The following ATL2 variants were observed in gnomAD, a reference collection of about 807,000 sequenced individuals.
ATL2 encodes the protein atlastin GTPase 2.
Under a neutral mutation model 73.9 loss-of-function variants are expected in ATL2, and 31 were observed. That is an observed-to-expected ratio of 0.42 (90% confidence interval 0.32 to 0.57). The LOEUF (loss-of-function observed/expected upper bound fraction) is 0.57, where lower values mean the gene tolerates loss of function less well. ATL2 is among the 20% of genes least tolerant of loss of function. ATL2 has a pLI of 0.14. For synonymous variants in ATL2, 291 were observed against 237.5 expected, an observed-to-expected ratio of 1.23 and a Z score of -2.07; for missense variants, 738 against 702.6, an observed-to-expected ratio of 1.05 and a Z score of -0.57.
At chr2:38,339,261 C>A (rs1669556424) in intron 2 of ATL2, among the ~76,000 whole-genome samples, 1 of 151,914 alleles carries the variant, frequency 6.6e-6, no homozygotes, top group Non-Finnish European at 1.5e-5. Flanking sequence ...GAGAAACTCA[C>A]AGACCAGAAG....
chr2:38,369,889 C>T (rs1313935133), intron 1 of ATL2, among the ~76,000 whole-genome samples: 1 of 151,752 alleles, frequency 6.6e-6, no homozygotes, highest in Non-Finnish European at 1.5e-5. Flanking sequence ...CGGTGGCTCA[C>T]GCCAGTAATC....
intron 9 of ATL2, among the ~76,000 whole-genome samples, chr2:38,305,332 G>C (rs1667391632): frequency 1.3e-5 from 2 of 152,176 alleles, no homozygotes; most frequent in Admixed American, 1.3e-4. Flanking sequence ...TGGACCACTT[G>C]ACGTCAGGAG....
chr2:38,357,594 G>T (rs1435850857), intron 1 of ATL2, among the ~76,000 whole-genome samples: 1 of 142,070 alleles, frequency 7.0e-6, no homozygotes, highest in South Asian at 2.3e-4. Flanking sequence ...GGAGCTTGCA[G>T]TGAGCCAAGA....
intron 1 of ATL2, among the ~76,000 whole-genome samples, chr2:38,370,448 CAAAAAAAAAAAAAAAAA>C (rs55964015): frequency 0.023 from 1,262 of 55,324 alleles, 48 homozygotes; most frequent in East Asian, 0.21. Flanking sequence ...GACTCTGTCC[CAAAAAAAAAAAAAAAAA>C]AAAAAAAAAA....
intron 2 of ATL2, among the ~76,000 whole-genome samples, chr2:38,329,736 G>A (rs749769479): frequency 2.0e-5 from 3 of 151,966 alleles, no homozygotes; most frequent in Non-Finnish European, 4.4e-5. Flanking sequence ...TGTACAAAAA[G>A]AATTACACAC....
At chr2:38,304,123 C>G (rs1268637143) in intron 9 of ATL2, among the ~76,000 whole-genome samples, 2 of 152,126 alleles carry the variant, frequency 1.3e-5, no homozygotes, top group Non-Finnish European at 2.9e-5. Context: ...ACAACAACAA[C>G]AAGAAGCACG....
intron 1 of ATL2, among the ~76,000 whole-genome samples, chr2:38,351,091 A>G (rs1670308945): frequency 6.6e-6 from 1 of 152,238 alleles, no homozygotes; most frequent in African/African-American, 2.4e-5. Context: ...CATTCCAAAC[A>G]AAAACTTGAA....
chr2:38,366,562 C>T (rs1345602828), intron 1 of ATL2, among the ~76,000 whole-genome samples: 1 of 152,180 alleles, frequency 6.6e-6, no homozygotes, highest in Non-Finnish European at 1.5e-5. Flanking sequence ...ACACTTTGCT[C>T]TCTAAGATCT....
chr2:38,378,400 C>G (rs1436824764), upstream of ATL2, among the ~76,000 whole-genome samples: 1 of 152,202 alleles, frequency 6.6e-6, no homozygotes, highest in Non-Finnish European at 1.5e-5. Flanking sequence ...CCACCACACC[C>G]TGCTAATTTT....
chr2:38,376,105 G>T, intron 1 of ATL2: 1 of 1,498,802 alleles, frequency 6.7e-7, no homozygotes. Flanking sequence ...TCTTATCTTG[G>T]CCGTACTTAC....
At chr2:38,302,012 G>A (rs755897252) in intron 9 of ATL2, among the ~76,000 whole-genome samples, 82 of 152,168 alleles carry the variant, frequency 5.4e-4, no homozygotes, top group Non-Finnish European at 9.6e-4. Context: ...AGTAGAATGC[G>A]GCATAAGGCA....
Position 38,298,353 on chromosome 2 carries a change from G to C in ATL2, c.1423C>G (p.Pro475Ala), listed in dbSNP as rs1282047910. The change falls in exon 12 of 13, where the codon CCA becomes GCA. Residue 475 changes from proline (P) to alanine (A), a missense_variant. Physicochemically the swap from Pro to Ala is conservative, Grantham distance 27 (BLOSUM62 -1). Transcript: ENST00000378954. ...AACATGACCGCAAACAGTGTGGCTG[G>C]GGTACGAGCAGCATAGAAGATATTT... Reference protein sequence around the residue: ...GKNIFYAARTPATLFAVMFAM... With the variant: ...GKNIFYAARTAATLFAVMFAM... 6.2e-7 allele frequency: 1 copy of C among 1,614,138 alleles called. No homozygotes were observed. Among genetic ancestry groups the C allele is most frequent in the South Asian group, 1.1e-5 (1 of 91,076 alleles).
In ATL2 at chr2:38,298,583, G is replaced by T. The variant is rs1235565721; in HGVS notation, c.1201-8C>A. 5.0e-6 allele frequency: 8 copies of T among 1,607,190 alleles called. No individual in the cohort carries two copies. In the African/African-American group the frequency reaches 6.7e-5, roughly 13 times the overall value. Reference sequence around the variant, plus strand: ...CTTGTCCCCTCCACATACCTGGACAGACAGAATTACAGTATTACATGCTAG... The same window carrying T: ...CTTGTCCCCTCCACATACCTGGACATACAGAATTACAGTATTACATGCTAG... On this transcript the variant is annotated splice_region_variant and splice_polypyrimidine_tract_variant and intron_variant, in intron 11 of 12. Coordinates refer to ENST00000378954, the MANE Select transcript of ATL2 (RefSeq NM_001135673.4).
chr2:38,327,164 A>C (rs1322696764), intron 2 of ATL2, among the ~76,000 whole-genome samples: 1 of 152,186 alleles, frequency 6.6e-6, no homozygotes, highest in Non-Finnish European at 1.5e-5. Flanking sequence ...TGTCGCCAAT[A>C]CGTCAGCAAA....
intron 1 of ATL2, among the ~76,000 whole-genome samples, chr2:38,365,514 G>T (rs1162365470): frequency 6.6e-6 from 1 of 152,108 alleles, no homozygotes; most frequent in African/African-American, 2.4e-5. Context: ...AAATTGGCCA[G>T]GAGCAGTGAC....
chr2:38,333,302 A>G (rs1438910779), intron 2 of ATL2, among the ~76,000 whole-genome samples: 1 of 151,914 alleles, frequency 6.6e-6, no homozygotes, highest in Non-Finnish European at 1.5e-5. Flanking sequence ...AAAAGTTAAA[A>G]TAATTTTTTA....
At chr2:38,320,087 A>T (rs893563626) in intron 2 of ATL2, among the ~76,000 whole-genome samples, 3 of 152,136 alleles carry the variant, frequency 2.0e-5, no homozygotes, top group Non-Finnish European at 4.4e-5. Context: ...AGCCTGGCCA[A>T]AAGAGCGAAA....
chr2:38,315,466 A>G (rs894794440), intron 4 of ATL2, 132 bp from the exon 5 acceptor site: 26 of 877,748 alleles, frequency 3.0e-5, no homozygotes, highest in Admixed American at 4.1e-5. Flanking sequence ...TACTATCTTG[A>G]CAACTGACAT....
At chr2:38,376,221 C>A (rs780791526) in intron 1 of ATL2, 2 of 1,487,692 alleles carry the variant, frequency 1.3e-6, no homozygotes, top group Middle Eastern at 1.8e-4. Flanking sequence ...ATTCGCACCA[C>A]AGTGAGAGAT....
Sources: allele counts gnomAD v4.1 joint callset (sites outside exome capture counted in the v4.1 genomes callset), GRCh38; gene constraint gnomAD v4.1.1; transcripts MANE v1.5; gene names NCBI Gene and HGNC (gene_info 2026-07-23, HGNC 2026-07-21).